The following NEDD4L variants were observed in gnomAD, a reference collection of about 807,000 sequenced individuals.
The protein encoded by NEDD4L is E3 ubiquitin-protein ligase NEDD4-like.
Under a neutral mutation model 148.9 loss-of-function variants are expected in NEDD4L, and 54 were observed. The observed-to-expected ratio is 0.36, with a 90% CI of 0.29 to 0.45. NEDD4L has a LOEUF of 0.45. NEDD4L is among the 20% of genes least tolerant of loss of function. NEDD4L has a pLI of 1.00. For synonymous variants in NEDD4L, 433 were observed against 440.7 expected, an observed-to-expected ratio of 0.98 and a Z score of 0.22; for missense variants, 856 against 1,233.8, an observed-to-expected ratio of 0.69 and a Z score of 4.59.
chr18:58,276,114 C>T (rs2051898457), intron 5 of NEDD4L, among the ~76,000 whole-genome samples: 1 of 151,346 alleles, frequency 6.6e-6, no homozygotes, highest in Admixed American at 6.6e-5. Flanking sequence ...ATGTTTAGGT[C>T]TCATTTGCAG....
intron 1 of NEDD4L, among the ~76,000 whole-genome samples, chr18:58,153,955 T>C (rs2035131530): frequency 6.6e-6 from 1 of 152,210 alleles, no homozygotes; most frequent in Non-Finnish European, 1.5e-5. Context: ...CCCGAAATAT[T>C]GTTAAAACCA....
At chr18:58,318,078 A>G (rs758562491) in intron 6 of NEDD4L, among the ~76,000 whole-genome samples, 1 of 152,182 alleles carries the variant, frequency 6.6e-6, no homozygotes, top group Non-Finnish European at 1.5e-5. Flanking sequence ...TCATGGGGAA[A>G]TTACAGTGGC....
chr18:58,392,287 A>G (rs2049936932), intron 30 of NEDD4L, among the ~76,000 whole-genome samples: 1 of 152,232 alleles, frequency 6.6e-6, no homozygotes. Context: ...CTCCTGAGGA[A>G]GCAGCAGAAG....
At chr18:58,362,839 T>C (rs2045656779) in intron 19 of NEDD4L, among the ~76,000 whole-genome samples, 1 of 152,254 alleles carries the variant, frequency 6.6e-6, no homozygotes, top group Admixed American at 6.5e-5. Context: ...GAAAACATGA[T>C]CTCTTTATTG....
intron 1 of NEDD4L, among the ~76,000 whole-genome samples, chr18:58,092,403 G>A (rs1432410727): frequency 1.3e-5 from 2 of 152,182 alleles, no homozygotes; most frequent in Non-Finnish European, 2.9e-5. Flanking sequence ...CATTTGAATT[G>A]AGGGTGGAAG....
At chr18:58,195,513 G>T in intron 2 of NEDD4L, 1 of 1,345,082 alleles carries the variant, frequency 7.4e-7, no homozygotes, top group Non-Finnish European at 9.8e-7. Context: ...GCTGCGCAGG[G>T]CCCTACCTGG....
At chr18:58,135,152 A>T (rs117887675) in intron 1 of NEDD4L, among the ~76,000 whole-genome samples, 1 of 152,116 alleles carries the variant, frequency 6.6e-6, no homozygotes, top group East Asian at 1.9e-4. Context: ...ACTAGCCTCC[A>T]TGGCATCAGC....
intron 11 of NEDD4L, among the ~76,000 whole-genome samples, chr18:58,332,128 C>T (rs1216570545): frequency 6.6e-6 from 1 of 152,146 alleles, no homozygotes; most frequent in Non-Finnish European, 1.5e-5. Flanking sequence ...ATGGCAGTAA[C>T]ACACCTTTAG....
chr18:58,062,029 C>G (rs532926400), intron 1 of NEDD4L, among the ~76,000 whole-genome samples: 33 of 152,272 alleles, frequency 2.2e-4, no homozygotes, highest in Admixed American at 1.3e-3. Flanking sequence ...CAGAGTTCTC[C>G]TAGTTGAACT....
chr18:58,080,628 T>A (rs778118272), intron 1 of NEDD4L, among the ~76,000 whole-genome samples: 5 of 152,180 alleles, frequency 3.3e-5, no homozygotes, highest in African/African-American at 4.8e-5. Context: ...CCTGCAGGCT[T>A]ATTAGGGACA....
chr18:58,353,500 T>C (rs2044186221), intron 18 of NEDD4L, among the ~76,000 whole-genome samples: 1 of 152,252 alleles, frequency 6.6e-6, no homozygotes, highest in African/African-American at 2.4e-5. Context: ...CCTCCTTAGC[T>C]GTTCATGCTA....
chr18:58,105,865 G>C (rs145351124), intron 1 of NEDD4L, among the ~76,000 whole-genome samples: 7 of 152,220 alleles, frequency 4.6e-5, no homozygotes. Flanking sequence ...CTGGGTGGGG[G>C]TCATAGTCTG....
chr18:58,048,109 G>C (rs1193727152), intron 1 of NEDD4L, among the ~76,000 whole-genome samples: 2 of 152,126 alleles, frequency 1.3e-5, no homozygotes, highest in African/African-American at 4.8e-5. Context: ...ACTTTTGAAT[G>C]CCTCTTCTAT....
intron 2 of NEDD4L, among the ~76,000 whole-genome samples, chr18:58,179,039 C>G (rs1377366140): frequency 1.3e-5 from 2 of 152,180 alleles, no homozygotes; most frequent in East Asian, 1.9e-4. Flanking sequence ...AAAACACTCT[C>G]TCTGACACTG....
At position 58,139,529 on chromosome 18, in the gene NEDD4L, G is replaced by C. The variant is rs1015070494; in HGVS notation, c.49-26259G>C. 2.0e-5 allele frequency among the ~76,000 whole-genome samples: 3 copies of C among 152,050 alleles called. No individual in the cohort carries two copies. The East Asian group carries it at 5.8e-4, about 29-fold the overall frequency. The stretch of plus-strand genomic sequence containing the variant: ...CAGAAAAATATATTTAAAATAATGC[G>C]TGTTTGTTAAAAATAACCAAACAAA... On this transcript the variant is annotated intron_variant, in intron 1 of 30. Transcript: ENST00000400345.
At position 58,366,063 on chromosome 18, in the gene NEDD4L, G is replaced by A. The variant is rs748722766; in HGVS notation, c.1898G>A (p.Arg633Gln). ...HRNNIFEESYRRIMSVKRPDV... is the reference protein window; with the variant it reads ...HRNNIFEESYQRIMSVKRPDV... ...AATAACATATTTGAAGAGTCCTATC[G>A]GAGAATTATGTCCGTGAAAAGACCA... The change falls in exon 21 of 31, where the codon CGG becomes CAG. Residue 633 changes from arginine (R) to glutamine (Q), a missense_variant. By Grantham distance (43) the Arg-to-Gln change is conservative. Coordinates refer to ENST00000400345, the MANE Select transcript of NEDD4L (RefSeq NM_001144967.3). The surrounding 1 kb of genome is among the most constrained non-coding windows in gnomAD (Gnocchi z 4.2). 4.3e-6 allele frequency: 7 copies of A among 1,613,320 alleles called. No individual in the cohort carries two copies. Among genetic ancestry groups the A allele is most frequent in the South Asian group, 1.1e-5 (1 of 90,826 alleles).
chr18:58,319,640 C>G (rs555765631), intron 6 of NEDD4L, among the ~76,000 whole-genome samples: 32 of 152,310 alleles, frequency 2.1e-4, no homozygotes, highest in Non-Finnish European at 4.3e-4. Context: ...CTCCACTCAG[C>G]TCTGCTCCAG....
intron 1 of NEDD4L, among the ~76,000 whole-genome samples, chr18:58,120,938 A>C (rs2086203782): frequency 6.6e-6 from 1 of 150,768 alleles, no homozygotes. Context: ...TATACATTGC[A>C]GATAATTTGA....
intron 1 of NEDD4L, among the ~76,000 whole-genome samples, chr18:58,057,291 T>C (rs2082130536): frequency 6.6e-6 from 1 of 151,342 alleles, no homozygotes; most frequent in Non-Finnish European, 1.5e-5. Context: ...TATGACTAAA[T>C]AGGCTATGTC....
Sources: gnomAD v4.1 joint callset for allele counts (sites outside exome capture counted in the v4.1 genomes callset) on GRCh38, gnomAD v4.1.1 for gene constraint, Gnocchi (gnomAD v3.1) non-coding constraint, MANE v1.5 for transcripts, NCBI Gene and HGNC (gene_info 2026-07-23, HGNC 2026-07-21) for gene names.